The following SYNE1 variants were observed in gnomAD, a reference collection of about 807,000 sequenced individuals.
SYNE1 encodes the protein spectrin repeat containing nuclear envelope protein 1, also known as nesprin-1.
Under a neutral mutation model 1,111.0 loss-of-function variants are expected in SYNE1, and 616 were observed. That is an observed-to-expected ratio of 0.55 (90% CI 0.52 to 0.59). SYNE1 has a LOEUF of 0.59. SYNE1 is among the 20% of genes least tolerant of loss of function. The pLI, the probability that SYNE1 is intolerant of heterozygous loss-of-function variation, is 0.00. For missense variants in SYNE1, 10,006 were observed against 10,417.0 expected (o/e 0.96, Z 1.72); for synonymous variants, 3,855 against 3,825.8 (o/e 1.01, Z -0.28).
At chr6:152,342,192 A>G (rs545131573) in intron 74 of SYNE1, among the ~76,000 whole-genome samples, 32 of 152,348 alleles carry the variant, frequency 2.1e-4, no homozygotes, top group African/African-American at 7.7e-4. Context: ...TTACTCTGGT[A>G]TGTGTAGGAA....
rs367617527 is a variant in SYNE1, at chr6:152,510,186, T to A, written c.581+7A>T. On this transcript the variant is annotated splice_region_variant and intron_variant, in intron 8 of 145. Coordinates refer to ENST00000367255, the MANE Select transcript of SYNE1 (RefSeq NM_182961.4). ...GTTTCAAATTTAGACAAACTCTTGA[T>A]ACTTACTTGCCAGCTGTGTACTGAA... is the stretch of plus-strand genomic sequence containing the variant. 9 of 1,613,804 alleles carry A rather than the reference T, an allele frequency of 5.6e-6. No homozygotes were observed. The highest frequency in any genetic ancestry group is 1.6e-4 in the Middle Eastern group (1 of 6,080).
intron 38 of SYNE1, among the ~76,000 whole-genome samples, chr6:152,426,186 G>T (rs9479314): frequency 0.15 from 22,777 of 152,174 alleles, 1,876 homozygotes; most frequent in East Asian, 0.37. Flanking sequence ...CACTCCAATA[G>T]ATAGGTAATA....
chr6:152,440,567 A>ATTTTTT (rs10700163), intron 32 of SYNE1, among the ~76,000 whole-genome samples: 32 of 122,694 alleles, frequency 2.6e-4, no homozygotes, highest in African/African-American at 8.2e-4. Context: ...TTGCCTCCAG[A>ATTTTTT]TTTTTTTTTT....
chr6:152,632,822 C>T (rs1020508426), intron 2 of SYNE1, among the ~76,000 whole-genome samples: 6 of 152,124 alleles, frequency 3.9e-5, no homozygotes, highest in Non-Finnish European at 8.8e-5. Flanking sequence ...ATGTTTCCAG[C>T]AGATTGATTG....
chr6:152,612,779 C>T (rs926199123), intron 3 of SYNE1, among the ~76,000 whole-genome samples: 2 of 152,126 alleles, frequency 1.3e-5, no homozygotes, highest in South Asian at 2.1e-4. Context: ...TCCAGCATCC[C>T]ATCAAAAAGC....
chr6:152,314,149 G>C (rs554873986), intron 87 of SYNE1, among the ~76,000 whole-genome samples: 266 of 152,292 alleles, frequency 1.7e-3, no homozygotes, highest in Non-Finnish European at 3.0e-3. Flanking sequence ...TTTTCCAAAG[G>C]CTGCTAAATT....
rs552438941 is a variant in SYNE1, at chr6:152,552,138, G to C, written c.68-12117C>G. ...ATTGTTTGGTGTGGAATGGGGAAAAGGGGGGAGAAAAGCTGGTCACAGTGT... is the reference window on the plus strand; with the variant it reads ...ATTGTTTGGTGTGGAATGGGGAAAACGGGGGAGAAAAGCTGGTCACAGTGT... On this transcript the variant is annotated intron_variant, in intron 3 of 145. Coordinates refer to ENST00000367255, the MANE Select transcript of SYNE1 (RefSeq NM_182961.4). Among the ~76,000 whole-genome samples, 8 of 152,238 alleles carry C rather than the reference G, an allele frequency of 5.3e-5. No individual in the cohort carries two copies. In the South Asian group the frequency reaches 1.0e-3, roughly 20 times the overall value.
At chr6:152,597,267 T>C (rs1361015647) in intron 3 of SYNE1, among the ~76,000 whole-genome samples, 1 of 152,166 alleles carries the variant, frequency 6.6e-6, no homozygotes, top group Non-Finnish European at 1.5e-5. Flanking sequence ...AGCACTTTCC[T>C]GTTTGCCTCA....
At chr6:152,329,702 A>AT (rs780398904) in intron 78 of SYNE1, 28 bp downstream of exon 78, 4 of 1,614,134 alleles carry the variant, frequency 2.5e-6, no homozygotes, top group Non-Finnish European at 3.4e-6. Flanking sequence ...GAGTGGAAAA[A>AT]AGAGAAGTGA....
intron 10 of SYNE1, among the ~76,000 whole-genome samples, chr6:152,500,413 G>T (rs1229576919): frequency 6.6e-6 from 1 of 152,158 alleles, no homozygotes; most frequent in Non-Finnish European, 1.5e-5. Flanking sequence ...GCCAATGTTT[G>T]TGCCCCAATC....
Position 152,354,588 on chromosome 6 carries a change from T to C in SYNE1, c.10926+71A>G. Reference sequence around the variant, plus strand: ...TAAGCTTTGGATAAAAGTTACTAAATATCTTAATGAAACAAACTATGCAAG... The same window carrying C: ...TAAGCTTTGGATAAAAGTTACTAAACATCTTAATGAAACAAACTATGCAAG... On this transcript the variant is annotated intron_variant, in intron 67 of 145. Transcript: ENST00000367255. 1.9e-6 allele frequency: 3 copies of C among 1,580,438 alleles called. 1 individual carries two copies. Among genetic ancestry groups the C allele is most frequent in the South Asian group, 2.2e-5 (2 of 90,104 alleles).
intron 4 of SYNE1, among the ~76,000 whole-genome samples, chr6:152,526,517 G>A (rs191781061): frequency 7.2e-5 from 11 of 152,338 alleles, no homozygotes; most frequent in African/African-American, 2.4e-4. Context: ...AAAGATAAGA[G>A]AGAGATTATA....
In SYNE1 at chr6:152,318,903, G is replaced by A. The variant is rs181649865; in HGVS notation, c.16349C>T (p.Ala5450Val). The change falls in exon 85 of 146, where the codon GCG (alanine) becomes GTG (valine). Residue 5450 changes from alanine to valine, a missense_variant. This residue lies in a region of SYNE1 where 4,955 missense variants were observed against 5,017.2 expected (regional missense o/e 0.99). Transcript: ENST00000367255. ...DLTTILTKLK[A>V]KTDNVVQAKT... is the part of the protein sequence containing the mutation. ...AGCTTGAACTACATTATCTGTCTTC[G>A]CTTTCAGCTTAGTTAGAATAGTTGT... The A allele has an allele frequency of 3.0e-5, 49 of 1,614,002 alleles. 1 individual carries two copies. The highest frequency in any genetic ancestry group is 2.2e-4 in the East Asian group (10 of 44,882).
intron 107 of SYNE1, 84 bp from the exon 108 acceptor site, chr6:152,239,790 G>A: frequency 6.9e-7 from 1 of 1,456,518 alleles, no homozygotes; most frequent in Non-Finnish European, 9.5e-7. Context: ...CGGGTGCGGT[G>A]GCTCACGCCT....
At position 152,213,659 on chromosome 6, in the gene SYNE1, T is replaced by A; in HGVS notation, c.22447A>T (p.Ile7483Phe). The change falls in exon 123 of 146, where the codon ATT becomes TTT. Residue 7483 changes from isoleucine to phenylalanine, a missense_variant. Coordinates refer to ENST00000367255, the MANE Select transcript of SYNE1 (RefSeq NM_182961.4). ...AAAAGGTGCTGATAATTTCCTGAAATCTCTACTGCTAACTTTTGTTCTGTC... is the reference window on the plus strand; with the variant it reads ...AAAAGGTGCTGATAATTTCCTGAAAACTCTACTGCTAACTTTTGTTCTGTC... ...VQTEQKLAVE[I>F]SGNYQHLLEQ... 1.9e-6 allele frequency: 3 copies of A among 1,614,098 alleles called. No individual in the cohort carries two copies. The Middle Eastern group carries it at 4.9e-4, about 266-fold the overall frequency.
rs745953883 is a variant in SYNE1 at position 152,255,735 on chromosome 6, T to C, written c.19116A>G (p.Ala6372=). 3.7e-6 allele frequency: 6 copies of C among 1,614,206 alleles called. No homozygotes were observed. The highest frequency in any genetic ancestry group is 3.3e-5 in the Admixed American group (2 of 60,028). ...GCTCCAAGTGTATACTCTGCCTCTT[T>C]GCCCCTCCACTCTGGGAAACACAAA... ...FEEVSSQSGG[A]KRQSIHLEQK... is the part of the protein sequence containing the mutation. Residue 6372 remains alanine, a synonymous_variant, in exon 103 of 146, where the codon GCA becomes GCG. Transcript: ENST00000367255.
Position 152,336,962 on chromosome 6 carries a change from T to C in SYNE1, c.12407A>G (p.Lys4136Arg). ...AATCCAGAGCTCAGACTTCAGGTGC[T>C]TGATCTCTTCCCAGCCCTGAGTTAA... is the stretch of plus-strand genomic sequence containing the variant. ...QNLTQGWEEI[K>R]HLKSELWIYL... The change falls in exon 76 of 146, where the codon AAG (lysine) becomes AGG (arginine). Residue 4136 changes from lysine (K) to arginine (R), a missense_variant. Physicochemically the swap from Lys to Arg is conservative, Grantham distance 26. This residue lies in a region of SYNE1 where 4,955 missense variants were observed against 5,017.2 expected (regional missense o/e 0.99). Transcript: ENST00000367255. The C allele has an allele frequency of 2.5e-6, 4 of 1,614,122 alleles. No individual in the cohort carries two copies. The highest frequency in any genetic ancestry group is 3.4e-6 in the Non-Finnish European group (4 of 1,180,026).
rs150997321 is a variant in SYNE1 at position 152,492,021 on chromosome 6, C to A, written c.940-3518G>T. On this transcript the variant is annotated intron_variant, in intron 11 of 145. Coordinates refer to ENST00000367255, the MANE Select transcript of SYNE1 (RefSeq NM_182961.4). ...CGATTTCCTCTTACAGAGGTGGCTG[C>A]AGCTCAAGGCAGAGTCAAGGTTAAC... is the stretch of plus-strand genomic sequence containing the variant. Among the ~76,000 whole-genome samples, 323 of 152,286 alleles carry A rather than the reference C, an allele frequency of 2.1e-3. 2 individuals carry two copies. The highest frequency in any genetic ancestry group is 6.8e-3 in the Middle Eastern group (2 of 294).
chr6:152,396,066 T>C (rs899977492), intron 50 of SYNE1, among the ~76,000 whole-genome samples: 2 of 152,190 alleles, frequency 1.3e-5, no homozygotes, highest in African/African-American at 4.8e-5. Context: ...TACATTCTCA[T>C]GTCAATGTGC....
Sources: allele counts gnomAD v4.1 joint callset (sites outside exome capture counted in the v4.1 genomes callset), GRCh38; gene constraint gnomAD v4.1.1; regional missense constraint gnomAD v4.1.1; transcripts MANE v1.5; gene names NCBI Gene and HGNC (gene_info 2026-07-23, HGNC 2026-07-21).